The following RCC1L variants were observed in gnomAD, a reference collection of about 807,000 sequenced individuals.
RCC1L encodes the protein RCC1 like, also known as RCC1-like G exchanging factor-like protein.
A neutral mutation model predicts 58.6 loss-of-function variants in RCC1L; 46 were observed. The observed-to-expected ratio is 0.79, with a 90% CI of 0.62 to 1.00. RCC1L has a LOEUF of 1.00. Ranked by LOEUF, RCC1L falls within the 50% of genes least tolerant of loss-of-function variation. RCC1L has a pLI of 0.00. For synonymous variants in RCC1L, 281 were observed against 262.9 expected, an observed-to-expected ratio of 1.07 and a Z score of -0.67; for missense variants, 636 against 623.6, an observed-to-expected ratio of 1.02 and a Z score of -0.21.
chr7:75,030,042 G>A (rs1023660255), intron 10 of RCC1L, among the ~76,000 whole-genome samples: 3 of 152,220 alleles, frequency 2.0e-5, no homozygotes, highest in South Asian at 4.1e-4. Context: ...GCCAGGAGCA[G>A]CCTGGAGCAG....
chr7:75,040,875 C>T (rs917907148), downstream of RCC1L, among the ~76,000 whole-genome samples: 22 of 152,192 alleles, frequency 1.4e-4, no homozygotes, highest in African/African-American at 4.1e-4. Flanking sequence ...TTCTCATGGC[C>T]GCAGGTCACA....
Position 75,058,588 on chromosome 7 carries a change from C to T in RCC1L, c.969G>A (p.Gln323=). ...CACCACGCTGTCGGCGACTGCATAC[C>T]TGTGTGGAGTCAGTGACAGAGGCCA... ...LQLASVTDST[Q]VNVPRCLHFS... The change falls in exon 7 of 11, where the codon CAG becomes CAA. Residue 323 remains glutamine, a splice_region_variant and synonymous_variant. Coordinates refer to ENST00000610322, the MANE Select transcript of RCC1L (RefSeq NM_030798.5). 6.2e-7 allele frequency: 1 copy of T among 1,601,860 alleles called. No homozygotes were observed. The highest frequency in any genetic ancestry group is 1.1e-5 in the South Asian group (1 of 89,798).
intron 2 of RCC1L, among the ~76,000 whole-genome samples, chr7:75,070,320 C>T (rs1554445843): frequency 1.3e-5 from 2 of 152,188 alleles, no homozygotes; most frequent in African/African-American, 4.8e-5. Context: ...CCTGTAATCA[C>T]AGCACTTTGG....
chr7:75,049,697 G>A (rs1035866168), intron 10 of RCC1L, among the ~76,000 whole-genome samples: 4 of 151,196 alleles, frequency 2.6e-5, no homozygotes, highest in South Asian at 2.1e-4. Flanking sequence ...TGGGCAACAC[G>A]GCAAGACCCC....
At chr7:75,058,484 G>A in intron 7 of RCC1L, 104 bp downstream of exon 7, 1 of 1,449,904 alleles carries the variant, frequency 6.9e-7, no homozygotes, top group Non-Finnish European at 9.4e-7. Context: ...GCCTGTCTCG[G>A]CCTTCCAAAG....
At position 75,073,785 on chromosome 7, in the gene RCC1L, A is replaced by T. The variant is rs587668252; in HGVS notation, c.-48T>A. 6.7e-7 allele frequency: 1 copy of T among 1,489,180 alleles called. No individual in the cohort carries two copies. Among genetic ancestry groups the T allele is most frequent in the Non-Finnish European group, 8.9e-7 (1 of 1,126,144 alleles). The allele number at this position is 1,489,180 out of a possible 1,614,324, so 92.2% of individuals were successfully genotyped here. A position where few individuals can be genotyped will look rare whatever the true frequency, so the allele number is the denominator to read the frequency against. ...CCTCTGGGCGCCGCCATCTTGCGTG[A>T]CCCTTAACACCAGTCCTCGCCGGAA... On this transcript the variant is annotated 5_prime_UTR_variant, in exon 1 of 11. Transcript: ENST00000610322.
At chr7:75,048,704 G>A (rs1019226508) in intron 10 of RCC1L, among the ~76,000 whole-genome samples, 22 of 152,256 alleles carry the variant, frequency 1.4e-4, no homozygotes, top group Admixed American at 6.5e-5. Flanking sequence ...CCCCCTCGCT[G>A]CCTGCTGTAG....
intron 2 of RCC1L, among the ~76,000 whole-genome samples, chr7:75,067,067 C>T (rs1024133103): frequency 6.6e-5 from 10 of 151,942 alleles, no homozygotes; most frequent in Non-Finnish European, 1.0e-4. Flanking sequence ...TTTGGGAGGC[C>T]GAAGCGGGCA....
chr7:75,061,428 A>T (rs1480147656), intron 5 of RCC1L, 137 bp from the exon 6 acceptor site: 1 of 754,990 alleles, frequency 1.3e-6, no homozygotes, highest in Non-Finnish European at 2.4e-6. Flanking sequence ...CTCCATGCTC[A>T]TCTTACTCCT....
In RCC1L at chr7:75,073,745, T is replaced by A. The variant is rs1462175075; in HGVS notation, c.-8A>T. 2 of 1,500,918 alleles carry A rather than the reference T, an allele frequency of 1.3e-6. No individual in the cohort carries two copies. Among genetic ancestry groups the A allele is most frequent in the Non-Finnish European group, 1.8e-6 (2 of 1,132,428 alleles). 93.0% of individuals were successfully genotyped at this position (1,500,918 alleles called of 1,614,324 possible). A position where few individuals can be genotyped will look rare whatever the true frequency, so the allele number is the denominator to read the frequency against. ...CAACGCCACCAGCGCCATCCTCCGT[T>A]CCGCGCCTCAGCAGCCTCTGGGCGC... On this transcript the variant is annotated 5_prime_UTR_variant, in exon 1 of 11. Coordinates refer to ENST00000610322, the MANE Select transcript of RCC1L (RefSeq NM_030798.5).
At chr7:75,039,869 A>G (rs1805513665), downstream of RCC1L, among the ~76,000 whole-genome samples, 1 of 152,192 alleles carries the variant, frequency 6.6e-6, no homozygotes, top group African/African-American at 2.4e-5. Flanking sequence ...CACGATGATC[A>G]AGCCTAGCAA....
rs1049496622 is a variant in RCC1L, at chr7:75,042,791, C to T, written c.*241G>A. 7 of 1,429,440 alleles carry T rather than the reference C, an allele frequency of 4.9e-6. No individual in the cohort carries two copies. In the South Asian group the frequency reaches 7.6e-5, roughly 15 times the overall value. 88.5% of individuals were successfully genotyped at this position (1,429,440 alleles called of 1,614,324 possible). ...GAGAACAGAGACGTGCGGGCCACAG[C>T]GGCCCACCAAAGGCTGCCATCCAAG... On this transcript the variant is annotated 3_prime_UTR_variant, in exon 11 of 11. Coordinates refer to ENST00000610322, the MANE Select transcript of RCC1L (RefSeq NM_030798.5).
At chr7:75,055,707 CA>C in intron 9 of RCC1L, 193 bp downstream of exon 9, 3 of 666,538 alleles carry the variant, frequency 4.5e-6, no homozygotes, top group East Asian at 2.8e-5. Flanking sequence ...ATTAAAACTC[CA>C]GGGGGGGAAA....
intron 10 of RCC1L, among the ~76,000 whole-genome samples, chr7:75,031,328 C>A (rs988072601): frequency 6.6e-6 from 1 of 152,120 alleles, no homozygotes; most frequent in African/African-American, 2.4e-5. Context: ...TCCATCGCTC[C>A]CAAGATCTGG....
intron 10 of RCC1L, among the ~76,000 whole-genome samples, chr7:75,032,048 C>T (rs1461999100): frequency 1.3e-5 from 2 of 152,224 alleles, no homozygotes; most frequent in Non-Finnish European, 2.9e-5. Flanking sequence ...ATAATTCACA[C>T]GCCGTTGCCT....
At chr7:75,031,348 A>G (rs1323913466) in intron 10 of RCC1L, among the ~76,000 whole-genome samples, 1 of 152,062 alleles carries the variant, frequency 6.6e-6, no homozygotes, top group Non-Finnish European at 1.5e-5. Flanking sequence ...GGTGAAGGGG[A>G]GAACCTGCCA....
intron 10 of RCC1L, 40 bp downstream of exon 10, chr7:75,052,671 T>C: frequency 6.4e-7 from 1 of 1,574,546 alleles, no homozygotes; most frequent in Non-Finnish European, 8.7e-7. Context: ...GTGACTCTAC[T>C]CTTAGCATCC....
At chr7:75,048,266 CAAAAAA>C (rs1166086711) in intron 10 of RCC1L, among the ~76,000 whole-genome samples, 1 of 95,764 alleles carries the variant, frequency 1.0e-5, no homozygotes, top group Non-Finnish European at 2.1e-5. Flanking sequence ...GACATCGCCT[CAAAAAA>C]AAAAAAAAAA....
At chr7:75,028,136 G>A in intron 10 of RCC1L, 1 of 804,782 alleles carries the variant, frequency 1.2e-6, no homozygotes. Context: ...TTTTTTTTTT[G>A]AGACGGAGTC....
Sources: allele counts gnomAD v4.1 joint callset (sites outside exome capture counted in the v4.1 genomes callset), GRCh38; gene constraint gnomAD v4.1.1; transcripts MANE v1.5; gene names NCBI Gene and HGNC (gene_info 2026-07-23, HGNC 2026-07-21).